The following USH2A variants were observed in gnomAD, a reference collection of about 807,000 sequenced individuals.
USH2A encodes usherin.
A neutral mutation model predicts 538.9 loss-of-function variants in USH2A; 443 were observed. That is an observed-to-expected ratio of 0.82 (90% CI 0.76 to 0.89). The LOEUF is 0.89. USH2A is among the 40% of genes least tolerant of loss of function. The pLI, the probability that USH2A is intolerant of heterozygous loss-of-function variation, is 0.00. For synonymous variants in USH2A, 2,413 were observed against 2,273.5 expected, an observed-to-expected ratio of 1.06 and a Z score of -1.75; for missense variants, 6,633 against 6,324.8, an observed-to-expected ratio of 1.05 and a Z score of -1.65.
chr1:216,130,978 TTTA>T (rs1350882928), intron 21 of USH2A, among the ~76,000 whole-genome samples: 5 of 151,950 alleles, frequency 3.3e-5, no homozygotes, highest in Admixed American at 3.3e-4. Context: ...CTATTATTTT[TTTA>T]TTTTTTTGAT....
intron 44 of USH2A, among the ~76,000 whole-genome samples, chr1:215,862,767 A>G (rs943256426): frequency 5.9e-5 from 9 of 152,244 alleles, no homozygotes; most frequent in African/African-American, 1.9e-4. Context: ...AGTCCTTAAC[A>G]GATTTCAGGG....
intron 37 of USH2A, 89 bp downstream of exon 37, chr1:215,965,228 A>G: frequency 7.0e-7 from 1 of 1,433,488 alleles, no homozygotes. Context: ...CTGTGGCTAA[A>G]AGAAAGATTT....
intron 55 of USH2A, among the ~76,000 whole-genome samples, chr1:215,769,398 G>A (rs17025393): frequency 0.11 from 16,947 of 152,072 alleles, 984 homozygotes; most frequent in Middle Eastern, 0.16. Flanking sequence ...AGGATTAAGC[G>A]TATTTGTAAT....
chr1:215,786,983 T>C (rs1181524726), intron 51 of USH2A, 109 bp from the exon 52 acceptor site: 2 of 986,998 alleles, frequency 2.0e-6, no homozygotes, highest in Non-Finnish European at 3.1e-6. Context: ...CTCCACTTAC[T>C]TGATGAATGA....
At chr1:216,221,762 A>G (rs2102503376) in intron 14 of USH2A, among the ~76,000 whole-genome samples, 1 of 152,340 alleles carries the variant, frequency 6.6e-6, no homozygotes, top group East Asian at 1.9e-4. Flanking sequence ...GACACTCCAC[A>G]TATTTATGCA....
chr1:216,199,855 A>T lies in USH2A; in HGVS notation c.3583T>A (p.Cys1195Ser), dbSNP rs2034942169. ...SCAPLAGGQP[C>S]VSYEGHETSA... Reference sequence around the variant, plus strand: ...GTTTCATGACCTTCGTAGGAAACACATGGCTGACCACCAGCCAAAGGGGCA... The same window carrying T: ...GTTTCATGACCTTCGTAGGAAACACTTGGCTGACCACCAGCCAAAGGGGCA... The change falls in exon 17 of 72, where the codon TGT (cysteine) becomes AGT (serine). Residue 1195 changes from cysteine to serine, a missense_variant. Cys to Ser is a moderately radical substitution (Grantham distance 112). Coordinates refer to ENST00000307340, the MANE Select transcript of USH2A (RefSeq NM_206933.4). The T allele has an allele frequency of 1.9e-6, 3 of 1,614,114 alleles. No individual in the cohort carries two copies. Among genetic ancestry groups the T allele is most frequent in the Non-Finnish European group, 2.5e-6 (3 of 1,179,990 alleles).
At position 216,108,871 on chromosome 1, in the gene USH2A, AT is replaced by A. The variant is rs1000007771; in HGVS notation, c.4628-11659del. 7.9e-5 allele frequency among the ~76,000 whole-genome samples: 12 copies of A among 151,814 alleles called. No homozygotes were observed. The East Asian group carries it at 1.6e-3, about 20-fold the overall frequency. On this transcript the variant is annotated intron_variant, in intron 21 of 71. Coordinates refer to ENST00000307340, the MANE Select transcript of USH2A (RefSeq NM_206933.4). ...ATCCATTATATGAATTTTACCTTTAATTTTTTTTAAATGTTTACAATATTTG... is the reference window on the plus strand; with the variant it reads ...ATCCATTATATGAATTTTACCTTTAATTTTTTTAAATGTTTACAATATTTG...
chr1:216,158,554 G>A (rs2033995055), intron 21 of USH2A, among the ~76,000 whole-genome samples: 1 of 152,036 alleles, frequency 6.6e-6, no homozygotes, highest in South Asian at 2.1e-4. Context: ...TTTATTTGGG[G>A]TATTTATGTG....
chr1:216,366,876 A>G (rs1184196497), intron 3 of USH2A, among the ~76,000 whole-genome samples: 2 of 151,978 alleles, frequency 1.3e-5, no homozygotes, highest in Admixed American at 6.6e-5. Flanking sequence ...TTTGCATCCC[A>G]TTTTTTACAG....
At chr1:216,352,214 G>A (rs1447069284) in intron 4 of USH2A, among the ~76,000 whole-genome samples, 1 of 151,988 alleles carries the variant, frequency 6.6e-6, no homozygotes, top group Admixed American at 6.6e-5. Flanking sequence ...CTGTAGACAC[G>A]GGAGCAGAGC....
At chr1:215,806,803 C>T (rs1208877745) in intron 49 of USH2A, among the ~76,000 whole-genome samples, 2 of 152,102 alleles carry the variant, frequency 1.3e-5, no homozygotes, top group African/African-American at 4.8e-5. Flanking sequence ...TAATATCATC[C>T]TACTGCCACT....
At chr1:215,975,363 G>T (rs1161958170) in intron 35 of USH2A, among the ~76,000 whole-genome samples, 1 of 152,054 alleles carries the variant, frequency 6.6e-6, no homozygotes, top group Non-Finnish European at 1.5e-5. Flanking sequence ...TGTTGCAATT[G>T]CTTTTGAGGA....
At chr1:216,358,900 A>G (rs906602315) in intron 4 of USH2A, among the ~76,000 whole-genome samples, 2 of 152,182 alleles carry the variant, frequency 1.3e-5, no homozygotes, top group African/African-American at 4.8e-5. Flanking sequence ...ATACTGAAGT[A>G]GAATAGAAGC....
At chr1:215,999,345 C>T (rs1191307346) in intron 33 of USH2A, among the ~76,000 whole-genome samples, 1 of 151,942 alleles carries the variant, frequency 6.6e-6, no homozygotes, top group Non-Finnish European at 1.5e-5. Context: ...AGCTGTAGAA[C>T]AAAAACTTCA....
chr1:216,050,562 T>TCTTTCTCTC (rs1558231629), intron 30 of USH2A, among the ~76,000 whole-genome samples: 1 of 31,672 alleles, frequency 3.2e-5, no homozygotes, highest in African/African-American at 9.9e-5. Context: ...TTGTATCTTT[T>TCTTTCTCTC]TCTTTCTTTC....
At chr1:216,243,464 C>A (rs1020691440) in intron 13 of USH2A, among the ~76,000 whole-genome samples, 1 of 152,122 alleles carries the variant, frequency 6.6e-6, no homozygotes, top group Non-Finnish European at 1.5e-5. Flanking sequence ...ATAAAAGAGG[C>A]CCCAAGTTTT....
At chr1:215,815,881 GT>G (rs2102795380) in intron 48 of USH2A, among the ~76,000 whole-genome samples, 1 of 152,102 alleles carries the variant, frequency 6.6e-6, no homozygotes, top group East Asian at 1.9e-4. Flanking sequence ...TACTATGACA[GT>G]TTCTGGCCAG....
intron 34 of USH2A, among the ~76,000 whole-genome samples, chr1:215,996,248 C>A (rs1668132872): frequency 1.3e-5 from 2 of 152,074 alleles, no homozygotes; most frequent in Admixed American, 6.6e-5. Context: ...GTTTTCAGGT[C>A]CACAGGGATT....
chr1:215,932,322 T>C (rs1266356271), intron 38 of USH2A, among the ~76,000 whole-genome samples: 1 of 152,060 alleles, frequency 6.6e-6, no homozygotes, highest in Non-Finnish European at 1.5e-5. Flanking sequence ...CACAGTTCAC[T>C]GGACAAAGGC....
Sources: allele counts gnomAD v4.1 joint callset (sites outside exome capture counted in the v4.1 genomes callset), GRCh38; gene constraint gnomAD v4.1.1; transcripts MANE v1.5; gene names NCBI Gene and HGNC (gene_info 2026-07-23, HGNC 2026-07-21).